The following GUCY2C variants were observed in gnomAD, a reference collection of about 807,000 sequenced individuals.
GUCY2C encodes guanylate cyclase 2C.
GUCY2C carries 118 observed loss-of-function variants against 131.1 expected under a neutral mutation model. The observed-to-expected ratio is 0.90, with a 90% CI of 0.78 to 1.05. The LOEUF (loss-of-function observed/expected upper bound fraction) is 1.05. Ranked by LOEUF, GUCY2C falls within the 50% of genes least tolerant of loss-of-function variation. The pLI is 0.00. For synonymous variants in GUCY2C, 452 were observed against 457.8 expected (o/e 0.99, Z 0.16); for missense variants, 1,161 against 1,304.4 (o/e 0.89, Z 1.69).
Position 14,676,883 on chromosome 12 carries a change from T to C in GUCY2C, c.919A>G (p.Asn307Asp). 6.6e-7 allele frequency: 1 copy of C among 1,521,974 alleles called. No individual in the cohort carries two copies. The highest frequency in any genetic ancestry group is 9.0e-7 in the Non-Finnish European group (1 of 1,110,726). The allele number at this position is 1,521,974 out of a possible 1,614,324, so 94.3% of individuals were successfully genotyped here. Reference protein sequence around the residue: ...LTLSPGNSLLNSSFSRNLSPT... With the variant: ...LTLSPGNSLLDSSFSRNLSPT... ...GATAGATTCCTGGAGAAAGAGCTAT[T>C]TAGAAGGGAATTCCCAGGAGACAGC... Residue 307 changes from asparagine to aspartate, a missense_variant, in exon 7 of 27, where the codon AAT (asparagine) becomes GAT (aspartate). Physicochemically the swap from Asn to Asp is conservative, Grantham distance 23. Coordinates refer to ENST00000261170, the MANE Select transcript of GUCY2C (RefSeq NM_004963.4).
chr12:14,683,008 C>G (rs778617184), intron 4 of GUCY2C, 34 bp downstream of exon 4: 2 of 1,433,670 alleles, frequency 1.4e-6, no homozygotes, highest in Non-Finnish European at 2.0e-6. Context: ...CTCTCCATGG[C>G]AAGTGCTAGT....
rs1252816144 is a variant in GUCY2C at position 14,660,973 on chromosome 12, G to T, written c.1364+8C>A. The T allele has an allele frequency of 2.5e-6, 4 of 1,590,696 alleles. No individual in the cohort carries two copies. The highest frequency in any genetic ancestry group is 3.5e-6 in the Non-Finnish European group (4 of 1,158,942). On this transcript the variant is annotated splice_region_variant and intron_variant, in intron 11 of 26. Coordinates refer to ENST00000261170, the MANE Select transcript of GUCY2C (RefSeq NM_004963.4). ...TACCGAACACAGGCATGATAGAGGC[G>T]GCTGTACCTGAGCATCAGGAGAGCG... is the stretch of plus-strand genomic sequence containing the variant.
intron 20 of GUCY2C, among the ~76,000 whole-genome samples, chr12:14,627,509 C>T (rs766348779): frequency 6.6e-6 from 1 of 152,188 alleles, no homozygotes; most frequent in Admixed American, 6.6e-5. Context: ...AAAACAGTTG[C>T]TCACCTTTGA....
At position 14,621,026 on chromosome 12, in the gene GUCY2C, A is replaced by G; in HGVS notation, c.2776+16T>C. 1 of 1,609,832 alleles carries G rather than the reference A, an allele frequency of 6.2e-7. No individual in the cohort carries two copies. The highest frequency in any genetic ancestry group is 1.1e-5 in the South Asian group (1 of 90,970). ...TACATATGGTTCCCAATTTGCTAAG[A>G]TGCTCAACTCCATACCAGAGTGAAC... On this transcript the variant is annotated intron_variant, in intron 23 of 26. Transcript: ENST00000261170.
At chr12:14,667,097 T>G (rs924370840) in intron 10 of GUCY2C, among the ~76,000 whole-genome samples, 2 of 152,160 alleles carry the variant, frequency 1.3e-5, no homozygotes, top group African/African-American at 2.4e-5. Context: ...AAAAGTACTT[T>G]TTGAGAAGTT....
intron 17 of GUCY2C, 35 bp downstream of exon 17, chr12:14,643,539 T>A (rs897175135): frequency 1.2e-6 from 2 of 1,606,652 alleles, no homozygotes; most frequent in Non-Finnish European, 1.7e-6. Context: ...AAAAAATCAG[T>A]TAGGAAACTA....
chr12:14,650,471 C>T (rs536866311), intron 15 of GUCY2C, among the ~76,000 whole-genome samples: 5 of 152,322 alleles, frequency 3.3e-5, no homozygotes, highest in South Asian at 4.1e-4. Context: ...TGGTCTCGAT[C>T]TCCTGACCTC....
At chr12:14,650,534 C>T (rs1947628951) in intron 15 of GUCY2C, among the ~76,000 whole-genome samples, 1 of 152,242 alleles carries the variant, frequency 6.6e-6, no homozygotes, top group South Asian at 2.1e-4. Flanking sequence ...GCGTGAGCCA[C>T]CGTGCCCAGC....
At chr12:14,629,082 T>C (rs1456580572) in intron 19 of GUCY2C, among the ~76,000 whole-genome samples, 1 of 151,900 alleles carries the variant, frequency 6.6e-6, no homozygotes, top group Admixed American at 6.6e-5. Flanking sequence ...ATAACAACCG[T>C]TTTAGTACTG....
In GUCY2C at chr12:14,674,867, G is replaced by A. The variant is rs961849969; in HGVS notation, c.949-107C>T. 3.2e-5 allele frequency: 26 copies of A among 800,724 alleles called. No individual in the cohort carries two copies. The African/African-American group carries it at 4.3e-4, about 13-fold the overall frequency. The allele number at this position is 800,724 out of a possible 1,614,324, so 49.6% of individuals were successfully genotyped here. On this transcript the variant is annotated intron_variant, in intron 7 of 26. Transcript: ENST00000261170. ...CAGCAGGGTTACTGGAAAGTTAAAG[G>A]GATATCAGGGGAATTGAAGGGATGT... is the stretch of plus-strand genomic sequence containing the variant.
intron 24 of GUCY2C, 30 bp downstream of exon 24, chr12:14,619,181 T>C (rs370907535): frequency 3.8e-5 from 49 of 1,304,066 alleles, no homozygotes; most frequent in Non-Finnish European, 5.1e-5. Flanking sequence ...AGCATCTTTG[T>C]CCTCTGAGAA....
At chr12:14,686,004 G>A (rs979277115) in intron 3 of GUCY2C, among the ~76,000 whole-genome samples, 157 bp downstream of exon 3, 3 of 152,108 alleles carry the variant, frequency 2.0e-5, no homozygotes, top group African/African-American at 4.8e-5. Context: ...GCTGAGCAAG[G>A]GAAGTTACCT....
intron 4 of GUCY2C, among the ~76,000 whole-genome samples, chr12:14,681,753 T>C (rs575962833): frequency 3.9e-5 from 6 of 152,326 alleles, no homozygotes; most frequent in Middle Eastern, 3.4e-3. Context: ...TAAGCAATTT[T>C]GTGAATATGT....
At chr12:14,673,951 C>T (rs916043027) in intron 8 of GUCY2C, among the ~76,000 whole-genome samples, 1 of 152,090 alleles carries the variant, frequency 6.6e-6, no homozygotes, top group Non-Finnish European at 1.5e-5. Flanking sequence ...TGCTGCCCTC[C>T]GAAGCCTACA....
At chr12:14,623,867 C>T (rs995467992) in intron 21 of GUCY2C, among the ~76,000 whole-genome samples, 1 of 152,092 alleles carries the variant, frequency 6.6e-6, no homozygotes, top group African/African-American at 2.4e-5. Flanking sequence ...TGTACATTTC[C>T]TGAGGCCTCC....
Position 14,639,870 on chromosome 12 carries a change from CT to C in GUCY2C, c.2148del (p.Glu717SerfsTer2). ...CGGGAAGATATACTCACTTCTAGCTCTTTTTCCTCTGCTGTTTCCAAGAATA... is the reference window on the plus strand; with the variant it reads ...CGGGAAGATATACTCACTTCTAGCTCTTTTCCTCTGCTGTTTCCAAGAATA... Reference protein sequence around the residue: ...PDLFLETAEEKELEVYLLVKN... With the variant: ...PDLFLETAEEXELEVYLLVKN... On this transcript the variant is annotated frameshift_variant, in exon 19 of 27. Transcript: ENST00000261170. LOFTEE classifies it high-confidence loss of function. 6.3e-7 allele frequency: 1 copy of C among 1,588,520 alleles called. No homozygotes were observed. The highest frequency in any genetic ancestry group is 8.6e-7 in the Non-Finnish European group (1 of 1,156,718).
intron 10 of GUCY2C, among the ~76,000 whole-genome samples, chr12:14,662,520 C>CA (rs1431188046): frequency 6.6e-6 from 1 of 151,630 alleles, no homozygotes; most frequent in Non-Finnish European, 1.5e-5. Context: ...ACTAAAAATA[C>CA]AAAAAATTAT....
At chr12:14,631,281 G>T (rs1947139860) in intron 19 of GUCY2C, among the ~76,000 whole-genome samples, 1 of 151,894 alleles carries the variant, frequency 6.6e-6, no homozygotes, top group African/African-American at 2.4e-5. Flanking sequence ...TGCACAATGT[G>T]CAGGTTAGTT....
intron 7 of GUCY2C, among the ~76,000 whole-genome samples, chr12:14,675,250 GA>G (rs34682792): frequency 0.017 from 2,302 of 137,156 alleles, 72 homozygotes; most frequent in African/African-American, 0.059. Context: ...AAGAAAGAAA[GA>G]AAAAAAACTC....
Sources: gnomAD v4.1 joint callset for allele counts (sites outside exome capture counted in the v4.1 genomes callset) on GRCh38, gnomAD v4.1.1 for gene constraint, MANE v1.5 for transcripts, NCBI Gene and HGNC (gene_info 2026-07-23, HGNC 2026-07-21) for gene names.